Variants in TPRG1 observed in about 807,000 individuals in gnomAD.
TPRG1 encodes the protein tumor protein p63-regulated gene 1 protein.
In TPRG1, 29 loss-of-function variants were observed where a neutral mutation model predicts 29.3. The ratio of observed to expected loss-of-function variants is 0.99; its 90% CI spans 0.74 to 1.35. The LOEUF (loss-of-function observed/expected upper bound fraction) is 1.35. Ranked by LOEUF, TPRG1 falls within the 40% of genes most tolerant of loss-of-function variation. The pLI is 0.00. For missense variants in TPRG1, 327 were observed against 335.0 expected (o/e 0.98, Z 0.19); for synonymous variants, 130 against 116.8 (o/e 1.11, Z -0.73).
At chr3:189,157,684 T>G (rs1198912035) in intron 5 of TPRG1, among the ~76,000 whole-genome samples, 1 of 152,138 alleles carries the variant, frequency 6.6e-6, no homozygotes, top group Admixed American at 6.5e-5. Flanking sequence ...GAAGGAAGTT[T>G]CCATGAAAAT....
upstream of TPRG1, among the ~76,000 whole-genome samples, chr3:189,099,342 C>A (rs557439476): frequency 6.6e-6 from 1 of 151,982 alleles, no homozygotes; most frequent in Admixed American, 6.6e-5. Flanking sequence ...GTTGCTCTTG[C>A]GCTGACGAAG....
intron 1 of TPRG1, among the ~76,000 whole-genome samples, chr3:189,198,630 T>A (rs1336925829): frequency 6.6e-6 from 1 of 152,206 alleles, no homozygotes; most frequent in Non-Finnish European, 1.5e-5. Flanking sequence ...TATCCATTCA[T>A]CCATCCAAGA....
chr3:189,046,891 A>AAAC (rs1219963972), intron 4 of TPRG1, among the ~76,000 whole-genome samples: 68 of 152,302 alleles, frequency 4.5e-4, no homozygotes, highest in African/African-American at 1.6e-3. Context: ...CCTTAAAGAA[A>AAAC]AACAACAACA....
chr3:189,147,327 C>T (rs916215436), intron 3 of TPRG1, among the ~76,000 whole-genome samples: 1 of 152,142 alleles, frequency 6.6e-6, no homozygotes, highest in African/African-American at 2.4e-5. Context: ...AGAGAAAATC[C>T]ATAGGGGTAG....
rs897102771 is a variant in TPRG1 at position 189,197,419 on chromosome 3, G to A, written c.-9-9957G>A. ...TCTTTTGTATGTGTGTTTGGTTGGG[G>A]TTGGGGAACTGGTGACTTAGTCTTA... On this transcript the variant is annotated intron_variant, in intron 1 of 5. Coordinates refer to ENST00000345063, the MANE Select transcript of TPRG1 (RefSeq NM_198485.4). Among the ~76,000 whole-genome samples the A allele has an allele frequency of 2.0e-5, 3 of 152,108 alleles. No individual in the cohort carries two copies. In the South Asian group the frequency reaches 6.2e-4, roughly 32 times the overall value.
At chr3:189,146,969 A>G (rs1396697546) in intron 3 of TPRG1, among the ~76,000 whole-genome samples, 1 of 152,196 alleles carries the variant, frequency 6.6e-6, no homozygotes, top group Non-Finnish European at 1.5e-5. Context: ...CTGCCTTATC[A>G]TTTAATCTGC....
intron 3 of TPRG1, chr3:189,147,460 A>G (rs1725414578): frequency 6.6e-6 from 1 of 152,262 alleles, no homozygotes; most frequent in Admixed American, 6.5e-5. Flanking sequence ...AGCAGAGGAA[A>G]TTACAAAATA....
intron 3 of TPRG1, chr3:189,219,667 G>A: frequency 1.6e-6 from 2 of 1,283,746 alleles, no homozygotes; most frequent in Non-Finnish European, 2.0e-6. Context: ...TCAGCAGAAT[G>A]TACTTGAGGT....
chr3:189,190,226 A>T lies in TPRG1; in HGVS notation c.-9-17150A>T, dbSNP rs949153392. The stretch of plus-strand genomic sequence containing the variant: ...GAATTTCTCTGTTCACAAATAGGAC[A>T]TATTATATAAGCCACAGATGTTCTT... On this transcript the variant is annotated intron_variant, in intron 1 of 5. Transcript: ENST00000345063. Among the ~76,000 whole-genome samples, 35 of 152,196 alleles carry T rather than the reference A, an allele frequency of 2.3e-4. 1 individual carries two copies. Among genetic ancestry groups the T allele is most frequent in the African/African-American group, 8.4e-4 (35 of 41,446 alleles).
chr3:189,276,820 G>A (rs927402926), intron 4 of TPRG1, among the ~76,000 whole-genome samples: 1 of 151,950 alleles, frequency 6.6e-6, no homozygotes, highest in Non-Finnish European at 1.5e-5. Flanking sequence ...CTGCTTCCTT[G>A]GGAAGAGACC....
At chr3:189,183,867 A>T (rs1238734513) in intron 1 of TPRG1, among the ~76,000 whole-genome samples, 1 of 151,092 alleles carries the variant, frequency 6.6e-6, no homozygotes, top group Non-Finnish European at 1.5e-5. Context: ...TCCTGAGGGG[A>T]CATACATCCT....
At chr3:189,081,510 C>T (rs56358920) in intron 4 of TPRG1, among the ~76,000 whole-genome samples, 13,574 of 151,876 alleles carry the variant, frequency 0.089, 763 homozygotes, top group African/African-American at 0.16. Flanking sequence ...ATGAACAATC[C>T]GAAATTCATG....
intron 4 of TPRG1, among the ~76,000 whole-genome samples, chr3:189,301,461 A>G (rs2109266709): frequency 6.6e-6 from 1 of 152,298 alleles, no homozygotes; most frequent in East Asian, 1.9e-4. Flanking sequence ...ATTCCACTTA[A>G]CAGAAAATTA....
chr3:189,172,751 G>A (rs987324778), intron 1 of TPRG1, among the ~76,000 whole-genome samples: 1 of 152,188 alleles, frequency 6.6e-6, no homozygotes, highest in Non-Finnish European at 1.5e-5. Flanking sequence ...GTATGTAAAG[G>A]GGAGTTGTAA....
At chr3:189,108,449 T>C (rs2152203171) in intron 1 of TPRG1, among the ~76,000 whole-genome samples, 1 of 152,234 alleles carries the variant, frequency 6.6e-6, no homozygotes, top group African/African-American at 2.4e-5. Flanking sequence ...ATGTGTAGTA[T>C]GTGAATTAAT....
intron 4 of TPRG1, among the ~76,000 whole-genome samples, chr3:189,278,429 T>C (rs1220586495): frequency 6.6e-6 from 1 of 152,170 alleles, no homozygotes; most frequent in African/African-American, 2.4e-5. Flanking sequence ...AGCAGATTGC[T>C]TTACGTACTG....
At chr3:189,301,115 G>T (rs932965412) in intron 4 of TPRG1, among the ~76,000 whole-genome samples, 5 of 151,802 alleles carry the variant, frequency 3.3e-5, no homozygotes, top group Non-Finnish European at 5.9e-5. Flanking sequence ...GGCTAACACA[G>T]TGAAACCCTG....
chr3:189,317,850 A>G (rs188244684), intron 5 of TPRG1, among the ~76,000 whole-genome samples: 3 of 152,296 alleles, frequency 2.0e-5, no homozygotes, highest in Non-Finnish European at 4.4e-5. Flanking sequence ...GTGTGTGCAT[A>G]TATCTGCATG....
intron 4 of TPRG1, among the ~76,000 whole-genome samples, chr3:189,037,962 G>A (rs1196084789): frequency 1.3e-5 from 2 of 149,662 alleles, no homozygotes; most frequent in Admixed American, 6.8e-5. Context: ...TTCATGGATG[G>A]GGCAACTTAG....
Sources: allele counts gnomAD v4.1 joint callset (sites outside exome capture counted in the v4.1 genomes callset), GRCh38; gene constraint gnomAD v4.1.1; transcripts MANE v1.5; gene names NCBI Gene and HGNC (gene_info 2026-07-23, HGNC 2026-07-21).